Variants in MEAK7 observed in about 807,000 individuals in gnomAD.
The protein encoded by MEAK7 is MTOR associated protein MEAK7, also known as MTOR-associated protein MEAK7.
In MEAK7, 68 loss-of-function variants were observed where a neutral mutation model predicts 40.5. That is an observed-to-expected ratio of 1.68 (90% CI 1.38 to 2.06). MEAK7 has a LOEUF of 2.06. Ranked by LOEUF, MEAK7 falls within the 30% of genes most tolerant of loss-of-function variation. The pLI is 0.00. For missense variants in MEAK7, 918 were observed against 580.5 expected, an observed-to-expected ratio of 1.58 and a Z score of -5.98; for synonymous variants, 338 against 231.9, an observed-to-expected ratio of 1.46 and a Z score of -4.16.
intron 3 of MEAK7, among the ~76,000 whole-genome samples, chr16:84,494,516 G>A (rs1270702152): frequency 6.6e-6 from 1 of 152,076 alleles, no homozygotes; most frequent in Non-Finnish European, 1.5e-5. Context: ...ACTAAAGCTA[G>A]ACAACTTAAA....
intron 2 of MEAK7, chr16:84,497,588 C>T (rs1914154140): frequency 7.6e-7 from 1 of 1,310,766 alleles, no homozygotes; most frequent in Non-Finnish European, 1.0e-6. Flanking sequence ...ATGTTCATCT[C>T]AAGTTAGAAA....
chr16:84,479,989 T>C lies in MEAK7; in HGVS notation c.1295A>G (p.Glu432Gly). ...GNKSILDADP[E>G]AQALLEISGH... is the part of the protein sequence containing the mutation. The stretch of plus-strand genomic sequence containing the variant: ...ACTGATCTCCAGCAGGGCCTGGGCC[T>C]CAGGGTCCGCATCCAGGATGCTCTT... The change falls in exon 8 of 8, where the codon GAG becomes GGG. Residue 432 changes from glutamate to glycine, a missense_variant. Transcript: ENST00000343629. The C allele has an allele frequency of 6.2e-7, 1 of 1,608,860 alleles. No homozygotes were observed. Among genetic ancestry groups the C allele is most frequent in the South Asian group, 1.1e-5 (1 of 90,496 alleles).
At position 84,495,918 on chromosome 16, in the gene MEAK7, C is replaced by T. The variant is rs534144576; in HGVS notation, c.154-5G>A. The stretch of plus-strand genomic sequence containing the variant: ...AAGAGCTTCCCCGACGTGGTTCTGC[C>T]GGGGACAAGCAGAAAAATATGGTTA... On this transcript the variant is annotated splice_region_variant and splice_polypyrimidine_tract_variant and intron_variant, in intron 2 of 7. Transcript: ENST00000343629. The T allele has an allele frequency of 9.9e-6, 16 of 1,613,574 alleles. No homozygotes were observed. Among genetic ancestry groups the T allele is most frequent in the South Asian group, 6.6e-5 (6 of 91,070 alleles).
chr16:84,500,593 C>G (rs1839839063), intron 1 of MEAK7, among the ~76,000 whole-genome samples: 1 of 152,178 alleles, frequency 6.6e-6, no homozygotes, highest in African/African-American at 2.4e-5. Flanking sequence ...CACAGACAGG[C>G]TGGAAACGAG....
chr16:84,503,978 C>G (rs1452154315), intron 1 of MEAK7: 1 of 985,402 alleles, frequency 1.0e-6, no homozygotes, highest in African/African-American at 1.7e-5. Flanking sequence ...TGGGGAGATT[C>G]CAACTGCCTC....
intron 5 of MEAK7, 31 bp from the exon 6 acceptor site, chr16:84,482,741 G>A (rs772688853): frequency 1.4e-5 from 23 of 1,612,734 alleles, no homozygotes; most frequent in Non-Finnish European, 1.9e-5. Context: ...AAACAAACAG[G>A]GTCGGTGTCT....
In MEAK7 at chr16:84,486,790, A is replaced by G. The variant is rs422145; in HGVS notation, c.799T>C (p.Cys267Arg). The G allele has an allele frequency of 1, 1,613,408 of 1,614,146 alleles. 806,336 individuals are homozygous for G. Among genetic ancestry groups the G allele is most frequent in the East Asian group, 1 (44,874 of 44,874 alleles). ...QLPREQRHRWCLLFSSELHGH... is the reference protein window; with the variant it reads ...QLPREQRHRWRLLFSSELHGH... The stretch of plus-strand genomic sequence containing the variant: ...TGGAGCTCAGACGAAAAGAGCAGGC[A>G]CCAGCGGTGCCGCTGCTCCCGAGGC... Residue 267 changes from cysteine (C) to arginine (R), a missense_variant, in exon 5 of 8, where the codon TGC becomes CGC. Cys to Arg is a radical substitution (Grantham distance 180, BLOSUM62 -3). Coordinates refer to ENST00000343629, the MANE Select transcript of MEAK7 (RefSeq NM_020947.4).
chr16:84,486,736 G>T lies in MEAK7; in HGVS notation c.853C>A (p.His285Asn), dbSNP rs1480562134. 1 of 1,613,832 alleles carries T rather than the reference G, an allele frequency of 6.2e-7. No individual in the cohort carries two copies. Among genetic ancestry groups the T allele is most frequent in the African/African-American group, 1.3e-5 (1 of 74,900 alleles). ...HGHSFSQLCG[H>N]ITHRGPCVAV... ...ACACAGGGTCCCCGGTGAGTGATGT[G>T]GCCACAGAGCTGGGAGAAGCTGTGT... is the stretch of plus-strand genomic sequence containing the variant. Residue 285 changes from histidine to asparagine, a missense_variant, in exon 5 of 8, where the codon CAC (histidine) becomes AAC (asparagine). His to Asn is a moderately conservative substitution (Grantham distance 68). Coordinates refer to ENST00000343629, the MANE Select transcript of MEAK7 (RefSeq NM_020947.4).
At chr16:84,487,407 G>C (rs1913185549) in intron 4 of MEAK7, 1 of 249,972 alleles carries the variant, frequency 4.0e-6, no homozygotes, top group Non-Finnish European at 7.7e-6. Flanking sequence ...TTGTCTATTG[G>C]CCAGCACTGA....
intron 6 of MEAK7, 35 bp downstream of exon 6, chr16:84,482,557 C>G (rs2150624966): frequency 1.2e-6 from 2 of 1,613,774 alleles, no homozygotes; most frequent in Non-Finnish European, 1.7e-6. Flanking sequence ...GGGGACATCA[C>G]CAAGGCAAGA....
chr16:84,480,692 T>G lies in MEAK7; in HGVS notation c.1094A>C (p.His365Pro), dbSNP rs1439519227. The change falls in exon 7 of 8, where the codon CAC becomes CCC. Residue 365 changes from histidine to proline, a missense_variant. Coordinates refer to ENST00000343629, the MANE Select transcript of MEAK7 (RefSeq NM_020947.4). Reference sequence around the variant, plus strand: ...ATCCACCCAAAGCCCAAAGTAATTGTGCTGCCCCCCCATACCCTGCAAAGG... The same window carrying G: ...ATCCACCCAAAGCCCAAAGTAATTGGGCTGCCCCCCCATACCCTGCAAAGG... Reference protein sequence around the residue: ...IPNGLGMGGQHNYFGLWVDVD... With the variant: ...IPNGLGMGGQPNYFGLWVDVD... 1.2e-6 allele frequency: 2 copies of G among 1,613,202 alleles called. No homozygotes were observed. The highest frequency in any genetic ancestry group is 2.2e-5 in the South Asian group (2 of 90,966).
intron 3 of MEAK7, among the ~76,000 whole-genome samples, chr16:84,493,036 G>A (rs764981001): frequency 1.4e-4 from 22 of 152,194 alleles, no homozygotes; most frequent in Non-Finnish European, 2.2e-4. Flanking sequence ...AATCATACAG[G>A]AAGCACTGTC....
Position 84,479,241 on chromosome 16 carries a change from G to A in MEAK7, c.*672C>T, listed in dbSNP as rs1463587205. 1 of 152,186 alleles carries A rather than the reference G, an allele frequency of 6.6e-6. No homozygotes were observed. The highest frequency in any genetic ancestry group is 2.4e-5 in the African/African-American group (1 of 41,432). 9.4% of individuals were successfully genotyped at this position (152,186 alleles called of 1,614,324 possible). On this transcript the variant is annotated 3_prime_UTR_variant, in exon 8 of 8. Coordinates refer to ENST00000343629, the MANE Select transcript of MEAK7 (RefSeq NM_020947.4). ...CCATTGGAAGCTGTTCCCAGAAAGCGTCGAGATTTTCATCCAGATGCCTCT... is the reference window on the plus strand; with the variant it reads ...CCATTGGAAGCTGTTCCCAGAAAGCATCGAGATTTTCATCCAGATGCCTCT...
intron 3 of MEAK7, among the ~76,000 whole-genome samples, chr16:84,494,191 G>A (rs963960965): frequency 2.0e-5 from 3 of 152,164 alleles, no homozygotes; most frequent in Admixed American, 6.6e-5. Flanking sequence ...ATCAAGCTAA[G>A]TATAATTAGA....
intron 3 of MEAK7, chr16:84,495,466 T>C (rs1913960724): frequency 5.3e-6 from 3 of 569,522 alleles, no homozygotes; most frequent in Non-Finnish European, 9.4e-6. Context: ...TTTTCCGCTT[T>C]AAGTCCTGAA....
chr16:84,502,574 C>T (rs1013120696), intron 1 of MEAK7: 2 of 152,044 alleles, frequency 1.3e-5, no homozygotes, highest in Non-Finnish European at 2.9e-5. Flanking sequence ...GTGAAAGTCC[C>T]ATGACACCGA....
chr16:84,490,927 C>T (rs1913542471), intron 3 of MEAK7, among the ~76,000 whole-genome samples: 1 of 152,080 alleles, frequency 6.6e-6, no homozygotes, highest in South Asian at 2.1e-4. Flanking sequence ...AAATTTGTTT[C>T]TTTACAGAAC....
At chr16:84,495,092 A>C (rs1289324690) in intron 3 of MEAK7, among the ~76,000 whole-genome samples, 1 of 152,120 alleles carries the variant, frequency 6.6e-6, no homozygotes, top group Admixed American at 6.5e-5. Context: ...AACGTGGTGA[A>C]ACCCCGTTTC....
intron 1 of MEAK7, chr16:84,504,051 C>G: frequency 1.0e-6 from 1 of 985,536 alleles, no homozygotes; most frequent in Non-Finnish European, 1.2e-6. Flanking sequence ...TGCGAAGGGG[C>G]AGCTTGAGCC....
Sources: allele counts gnomAD v4.1 joint callset (sites outside exome capture counted in the v4.1 genomes callset), GRCh38; gene constraint gnomAD v4.1.1; transcripts MANE v1.5; gene names NCBI Gene and HGNC (gene_info 2026-07-23, HGNC 2026-07-21).